Variants in STAU2 observed in about 807,000 individuals in gnomAD.
STAU2 encodes the protein double-stranded RNA-binding protein Staufen homolog 2.
STAU2 carries 20 observed loss-of-function variants against 65.9 expected under a neutral mutation model. The ratio of observed to expected loss-of-function variants is 0.30; its 90% CI spans 0.21 to 0.44. STAU2 has a LOEUF of 0.44. Ranked by LOEUF, STAU2 falls within the 20% of genes least tolerant of loss-of-function variation. The probability of loss-of-function intolerance (pLI) is 1.00; values close to 1 mark genes in which losing one functional copy is unlikely to be tolerated. For synonymous variants in STAU2, 232 were observed against 233.9 expected, an observed-to-expected ratio of 0.99 and a Z score of 0.07; for missense variants, 558 against 683.9, an observed-to-expected ratio of 0.82 and a Z score of 2.05.
At chr8:73,710,284 T>A (rs1169494254) in intron 3 of STAU2, among the ~76,000 whole-genome samples, 1 of 152,050 alleles carries the variant, frequency 6.6e-6, no homozygotes, top group East Asian at 1.9e-4. Context: ...TCAGAGACAG[T>A]CTCACTATGT....
intron 13 of STAU2, among the ~76,000 whole-genome samples, chr8:73,456,521 A>C (rs1372631986): frequency 6.6e-6 from 1 of 151,494 alleles, no homozygotes; most frequent in African/African-American, 2.4e-5. Context: ...AAAGAGGAAG[A>C]GTTTGCTAAG....
chr8:73,538,399 C>T (rs1806319520), intron 13 of STAU2, among the ~76,000 whole-genome samples: 1 of 151,868 alleles, frequency 6.6e-6, no homozygotes, highest in Admixed American at 6.6e-5. Flanking sequence ...TAGCCAAGAG[C>T]CTATTAAGAA....
At chr8:73,467,853 C>G (rs1819745040) in intron 13 of STAU2, among the ~76,000 whole-genome samples, 1 of 152,108 alleles carries the variant, frequency 6.6e-6, no homozygotes, top group Non-Finnish European at 1.5e-5. Context: ...TAGGAAGAAT[C>G]AATATCATGA....
chr8:73,637,477 T>TAAAAA (rs60833468), intron 6 of STAU2, among the ~76,000 whole-genome samples: 1,009 of 57,210 alleles, frequency 0.018, 2 homozygotes, highest in Non-Finnish European at 0.021. Context: ...GTGCTGAAAG[T>TAAAAA]AAAAAAAAAA....
At chr8:73,705,511 T>A (rs1820446829) in intron 4 of STAU2, among the ~76,000 whole-genome samples, 1 of 152,206 alleles carries the variant, frequency 6.6e-6, no homozygotes, top group Non-Finnish European at 1.5e-5. Context: ...TTTATGTTAT[T>A]CATGGCTCTC....
chr8:73,603,658 C>T (rs1024662886), intron 10 of STAU2, 68 bp downstream of exon 10: 24 of 1,543,642 alleles, frequency 1.6e-5, no homozygotes, highest in East Asian at 4.6e-5. Flanking sequence ...GTTTGCCTTT[C>T]GCCCAAATGC....
chr8:73,741,822 T>C (rs888447887), intron 1 of STAU2, among the ~76,000 whole-genome samples: 3 of 152,314 alleles, frequency 2.0e-5, no homozygotes, highest in South Asian at 2.1e-4. Context: ...CCGAAACTTC[T>C]AGTCTTCTGA....
At chr8:73,655,276 A>T (rs966839013) in intron 6 of STAU2, among the ~76,000 whole-genome samples, 1 of 152,234 alleles carries the variant, frequency 6.6e-6, no homozygotes, top group Admixed American at 6.5e-5. Flanking sequence ...TTTACATTTT[A>T]AAATAAAATT....
intron 5 of STAU2, among the ~76,000 whole-genome samples, chr8:73,678,036 T>G (rs1017137375): frequency 2.0e-5 from 3 of 152,174 alleles, no homozygotes; most frequent in Non-Finnish European, 2.9e-5. Context: ...GACAGCTTGT[T>G]CTGTTCCATT....
In STAU2 at chr8:73,705,181, C is replaced by T. The variant is rs146811282; in HGVS notation, c.114+3851G>A. ...ACACAATGCTTAAGAACTTATAAAT[C>T]GTCACTCCATTATACCACTTTATGA... On this transcript the variant is annotated intron_variant, in intron 4 of 14. Transcript: ENST00000524300. 2.2e-4 allele frequency among the ~76,000 whole-genome samples: 34 copies of T among 152,204 alleles called. No individual in the cohort carries two copies. In the East Asian group the frequency reaches 5.6e-3, roughly 25 times the overall value.
chr8:73,431,535 C>T (rs11786318), intron 13 of STAU2, among the ~76,000 whole-genome samples: 52,120 of 151,934 alleles, frequency 0.34, 9,552 homozygotes, highest in Non-Finnish European at 0.41. Context: ...TATGTGTGTC[C>T]GTCCCTTAGA....
At chr8:73,588,202 A>T (rs1005106174) in intron 11 of STAU2, among the ~76,000 whole-genome samples, 1 of 152,274 alleles carries the variant, frequency 6.6e-6, no homozygotes, top group Admixed American at 6.5e-5. Flanking sequence ...AAGGTAAACA[A>T]GCAAAATGAA....
At chr8:73,434,617 G>A (rs370958450) in intron 13 of STAU2, among the ~76,000 whole-genome samples, 3 of 151,830 alleles carry the variant, frequency 2.0e-5, no homozygotes, top group Non-Finnish European at 4.4e-5. Context: ...TGAAGGCTAC[G>A]TGACTGCACC....
chr8:73,711,231 AC>A (rs1563522648), intron 3 of STAU2, among the ~76,000 whole-genome samples: 2 of 151,318 alleles, frequency 1.3e-5, no homozygotes, highest in Non-Finnish European at 3.0e-5. Context: ...CCTGCATTTT[AC>A]CTATTCCATT....
At chr8:73,448,245 T>C (rs1003989959) in intron 13 of STAU2, among the ~76,000 whole-genome samples, 53 of 152,236 alleles carry the variant, frequency 3.5e-4, no homozygotes, top group Middle Eastern at 6.8e-3. Context: ...TCAGGGACCA[T>C]TTTGGGAAGG....
intron 13 of STAU2, among the ~76,000 whole-genome samples, chr8:73,452,104 A>G (rs1277133254): frequency 6.6e-6 from 1 of 152,244 alleles, no homozygotes; most frequent in Non-Finnish European, 1.5e-5. Context: ...GTGCCGCCCT[A>G]GACAGACAGC....
At chr8:73,510,371 GAA>G (rs1240200400) in intron 13 of STAU2, among the ~76,000 whole-genome samples, 2 of 152,158 alleles carry the variant, frequency 1.3e-5, no homozygotes, top group African/African-American at 4.8e-5. Context: ...CGCCTGGCCA[GAA>G]AGTATATTTC....
At chr8:73,436,613 G>A (rs575683667) in intron 13 of STAU2, among the ~76,000 whole-genome samples, 1 of 85,128 alleles carries the variant, frequency 1.2e-5, no homozygotes, top group Non-Finnish European at 2.7e-5. Context: ...TTGAGACAGA[G>A]TCTTACTCTG....
At chr8:73,583,442 G>A (rs1404605643) in intron 11 of STAU2, among the ~76,000 whole-genome samples, 1 of 151,936 alleles carries the variant, frequency 6.6e-6, no homozygotes, top group Non-Finnish European at 1.5e-5. Flanking sequence ...CACTAAGCCT[G>A]GCCAAAAAGT....
Sources: gnomAD v4.1 joint callset for allele counts (sites outside exome capture counted in the v4.1 genomes callset) on GRCh38, gnomAD v4.1.1 for gene constraint, MANE v1.5 for transcripts, NCBI Gene and HGNC (gene_info 2026-07-23, HGNC 2026-07-21) for gene names.